AADACL2: variants seen among roughly 807,000 people sequenced by gnomAD.
AADACL2 encodes the protein arylacetamide deacetylase like 2.
A neutral mutation model predicts 22.3 loss-of-function variants in AADACL2; 23 were observed. The observed-to-expected ratio is 1.03, with a 90% CI of 0.74 to 1.46. AADACL2 has a LOEUF of 1.46. Among genes scored for constraint, AADACL2 ranks in the 40% most tolerant of loss-of-function variants. AADACL2 has a pLI of 0.00. For synonymous variants in AADACL2, 177 were observed against 166.2 expected (o/e 1.07, Z -0.50); for missense variants, 472 against 482.9 (o/e 0.98, Z 0.21).
At chr3:151,734,250 T>C in intron 1 of AADACL2, 77 bp downstream of exon 1, 2 of 1,356,008 alleles carry the variant, frequency 1.5e-6, no homozygotes, top group East Asian at 5.0e-5. Flanking sequence ...TGAACTCTTT[T>C]ATTAATAGTA....
intron 2 of AADACL2, among the ~76,000 whole-genome samples, chr3:151,741,126 T>C (rs571710929): frequency 1.1e-4 from 16 of 152,300 alleles, no homozygotes; most frequent in African/African-American, 3.4e-4. Flanking sequence ...TGAATGAACA[T>C]ATATCAAAGG....
chr3:151,742,777 G>A (rs751972218), intron 2 of AADACL2, among the ~76,000 whole-genome samples: 8 of 152,170 alleles, frequency 5.3e-5, no homozygotes, highest in South Asian at 2.1e-4. Flanking sequence ...TTGCTTGAAA[G>A]CGGTATCTAA....
chr3:151,745,509 C>T lies in AADACL2; in HGVS notation c.432C>T (p.Asp144=). 2 of 1,612,040 alleles carry T rather than the reference C, an allele frequency of 1.2e-6. No homozygotes were observed. Among genetic ancestry groups the T allele is most frequent in the Non-Finnish European group, 1.7e-6 (2 of 1,179,250 alleles). Residue 144 remains aspartate (D), a splice_region_variant and synonymous_variant, in exon 4 of 5, where the codon GAC becomes GAT. Transcript: ENST00000356517. ...NTLDAVVVGV[D]YRLAPQHHFP... ...ATGCTTTATTATTCTTTCTTTAAAG[C>T]TATAGGCTGGCTCCTCAACACCACT...
At chr3:151,735,753 T>C (rs956394824) in intron 1 of AADACL2, among the ~76,000 whole-genome samples, 1 of 152,138 alleles carries the variant, frequency 6.6e-6, no homozygotes, top group African/African-American at 2.4e-5. Context: ...GCAAGACTCC[T>C]TCTCAAAAAA....
intron 4 of AADACL2, among the ~76,000 whole-genome samples, chr3:151,746,344 C>T (rs935908353): frequency 3.4e-5 from 5 of 147,080 alleles, no homozygotes; most frequent in African/African-American, 1.2e-4. Context: ...ACTTATAACG[C>T]TAGTGTTCTG....
rs552226834 is a variant in AADACL2 at position 151,759,644 on chromosome 3, C to T, written c.*2050C>T. ...CATAAGTATGTGGTAGAAATGTATG[C>T]TAAGGTAGGCCAGTCAATCCTTTTT... is the stretch of plus-strand genomic sequence containing the variant. On this transcript the variant is annotated 3_prime_UTR_variant, in exon 5 of 5. Coordinates refer to ENST00000356517, the MANE Select transcript of AADACL2 (RefSeq NM_207365.4). The T allele has an allele frequency of 6.6e-6, 1 of 152,334 alleles. No homozygotes were observed. Among genetic ancestry groups the T allele is most frequent in the African/African-American group, 2.4e-5 (1 of 41,572 alleles). The allele number at this position is 152,334 out of a possible 1,614,324, so 9.4% of individuals were successfully genotyped here.
In AADACL2 at chr3:151,759,433, C is replaced by T. The variant is rs953405874; in HGVS notation, c.*1839C>T. 1 of 152,180 alleles carries T rather than the reference C, an allele frequency of 6.6e-6. No homozygotes were observed. The highest frequency in any genetic ancestry group is 1.5e-5 in the Non-Finnish European group (1 of 68,010). 9.4% of individuals were successfully genotyped at this position (152,180 alleles called of 1,614,324 possible). ...GATTGTCCTATTGTCTGAACATTTT[C>T]ACAGTGATTCCTGACTAAAAATCCT... On this transcript the variant is annotated 3_prime_UTR_variant, in exon 5 of 5. Coordinates refer to ENST00000356517, the MANE Select transcript of AADACL2 (RefSeq NM_207365.4).
intron 2 of AADACL2, among the ~76,000 whole-genome samples, chr3:151,742,369 A>G (rs1713310261): frequency 6.6e-6 from 1 of 152,236 alleles, no homozygotes; most frequent in African/African-American, 2.4e-5. Context: ...AAACAAGACC[A>G]GAGAGATTAT....
chr3:151,737,255 T>C (rs1713116844), intron 1 of AADACL2, among the ~76,000 whole-genome samples: 1 of 152,206 alleles, frequency 6.6e-6, no homozygotes, highest in African/African-American at 2.4e-5. Context: ...TCAACTTCCA[T>C]GTAGTTCTGA....
At chr3:151,750,366 G>A (rs1259681120) in intron 4 of AADACL2, among the ~76,000 whole-genome samples, 2 of 151,958 alleles carry the variant, frequency 1.3e-5, no homozygotes, top group Non-Finnish European at 1.5e-5. Context: ...GTCAGCTTCC[G>A]CCACCTGTGC....
intron 3 of AADACL2, among the ~76,000 whole-genome samples, chr3:151,745,055 A>T (rs2107984406): frequency 6.6e-6 from 1 of 152,274 alleles, no homozygotes; most frequent in Non-Finnish European, 1.5e-5. Flanking sequence ...AAGTATATGC[A>T]CCGTCAGCTT....
At chr3:151,752,468 C>G (rs1037518516) in intron 4 of AADACL2, among the ~76,000 whole-genome samples, 3 of 152,188 alleles carry the variant, frequency 2.0e-5, no homozygotes, top group African/African-American at 7.2e-5. Context: ...GGCAACATCA[C>G]ATGATGTGTC....
At chr3:151,735,914 G>C (rs1713071329) in intron 1 of AADACL2, among the ~76,000 whole-genome samples, 1 of 152,048 alleles carries the variant, frequency 6.6e-6, no homozygotes, top group African/African-American at 2.4e-5. Context: ...TTTTTTATGA[G>C]TAAACTGTCC....
At chr3:151,752,099 T>C (rs1713692340) in intron 4 of AADACL2, among the ~76,000 whole-genome samples, 1 of 151,908 alleles carries the variant, frequency 6.6e-6, no homozygotes, top group African/African-American at 2.4e-5. Flanking sequence ...ACTTTCTATA[T>C]GAATTACATA....
intron 4 of AADACL2, among the ~76,000 whole-genome samples, chr3:151,749,975 T>A (rs28607773): frequency 0.17 from 25,659 of 152,132 alleles, 2,213 homozygotes; most frequent in East Asian, 0.24. Context: ...GATGTTAGCC[T>A]TGAGCTTGTC....
intron 1 of AADACL2, among the ~76,000 whole-genome samples, chr3:151,736,302 C>CTTTTTTT (rs10575713): frequency 7.2e-6 from 1 of 138,392 alleles, no homozygotes. Context: ...AAGGATTTAT[C>CTTTTTTT]TTTTTTTTTT....
rs1713363091 is a variant in AADACL2, at chr3:151,744,120, G to T, written c.389G>T (p.Arg130Ile). 1 of 1,613,654 alleles carries T rather than the reference G, an allele frequency of 6.2e-7. No individual in the cohort carries two copies. The highest frequency in any genetic ancestry group is 1.1e-5 in the South Asian group (1 of 91,040). ...SKQRAFDFLN[R>I]WTANTLDAVV... The stretch of plus-strand genomic sequence containing the variant: ...CAGAGGGCTTTTGACTTCCTGAATA[G>T]ATGGACGGCAAACACGCTTGATGCT... The change falls in exon 3 of 5, where the codon AGA becomes ATA. Residue 130 changes from arginine (R) to isoleucine (I), a missense_variant. Physicochemically the swap from Arg to Ile is moderately conservative, Grantham distance 97. Coordinates refer to ENST00000356517, the MANE Select transcript of AADACL2 (RefSeq NM_207365.4).
At chr3:151,739,903 C>T (rs958935300) in intron 1 of AADACL2, among the ~76,000 whole-genome samples, 1 of 152,174 alleles carries the variant, frequency 6.6e-6, no homozygotes, top group South Asian at 2.1e-4. Flanking sequence ...GACTGCTGTG[C>T]TGGCAGTGAG....
At chr3:151,754,224 C>T (rs1713788744) in intron 4 of AADACL2, among the ~76,000 whole-genome samples, 4 of 152,094 alleles carry the variant, frequency 2.6e-5, no homozygotes, top group Admixed American at 1.3e-4. Context: ...GAGTGAAAAT[C>T]GTGCTGGTCC....
Sources: allele counts gnomAD v4.1 joint callset (sites outside exome capture counted in the v4.1 genomes callset), GRCh38; gene constraint gnomAD v4.1.1; transcripts MANE v1.5; gene names NCBI Gene and HGNC (gene_info 2026-07-23, HGNC 2026-07-21).